The following MAGED1 variants were observed in gnomAD, a reference collection of about 807,000 sequenced individuals.
The protein encoded by MAGED1 is MAGE family member D1.
Under a neutral mutation model 54.1 loss-of-function variants are expected in MAGED1, and 3 were observed. The observed-to-expected ratio is 0.06, with a 90% CI of 0.03 to 0.14. The LOEUF is 0.14. Ranked by LOEUF, MAGED1 falls within the 10% of genes least tolerant of loss-of-function variation. The probability of loss-of-function intolerance (pLI) is 1.00; values close to 1 mark genes in which losing one functional copy is unlikely to be tolerated. For synonymous variants in MAGED1, 217 were observed against 227.3 expected, an observed-to-expected ratio of 0.95 and a Z score of 0.41; for missense variants, 485 against 623.4, an observed-to-expected ratio of 0.78 and a Z score of 2.36.
chrX:51,894,947 C>A, intron 2 of MAGED1, 106 bp from the exon 3 acceptor site: 1 of 916,192 alleles, frequency 1.1e-6, no homozygotes, highest in Non-Finnish European at 1.5e-6. Flanking sequence ...GCACCCACCG[C>A]CCGCCTGCAG....
chrX:51,848,945 T>G (rs782081947), intron 1 of MAGED1, among the ~76,000 whole-genome samples: 4 of 84,572 alleles, frequency 4.7e-5, no homozygotes, highest in Admixed American at 1.2e-4. Flanking sequence ...ATCTTTTCTG[T>G]TTTTTTTTTC....
At chrX:51,817,174 T>G (rs1372770943) in intron 1 of MAGED1, among the ~76,000 whole-genome samples, 4 of 111,873 alleles carry the variant, frequency 3.6e-5, no homozygotes, top group Non-Finnish European at 7.5e-5. Flanking sequence ...CAATGTGAGA[T>G]CCCAAGGACT....
intron 1 of MAGED1, among the ~76,000 whole-genome samples, chrX:51,805,950 ATTTTC>A (rs1219834254): frequency 2.5e-5 from 2 of 78,964 alleles, no homozygotes; most frequent in African/African-American, 9.8e-5. Context: ...AGCTCAAAGC[ATTTTC>A]TTTTCTTTTC....
intron 1 of MAGED1, among the ~76,000 whole-genome samples, chrX:51,819,469 A>G: frequency 9.1e-6 from 1 of 109,566 alleles, no homozygotes; most frequent in East Asian, 2.9e-4. Flanking sequence ...CGTCTAACCT[A>G]AGTTTGGGAT....
intron 1 of MAGED1, among the ~76,000 whole-genome samples, chrX:51,864,019 G>T (rs1927373166): frequency 9.0e-6 from 1 of 111,064 alleles, no homozygotes; most frequent in Non-Finnish European, 1.9e-5. Flanking sequence ...GTTTATGTTT[G>T]CTTTTGTTAC....
Position 51,900,274 on chromosome X carries a change from A to C in MAGED1, c.1937A>C (p.Lys646Thr). ...LRSYHETSKMKVLRFIAEVQK... is the reference protein window; with the variant it reads ...LRSYHETSKMTVLRFIAEVQK... The stretch of plus-strand genomic sequence containing the variant: ...TCCTACCATGAGACTAGCAAGATGA[A>C]AGTGCTGAGATTCATTGCAGAGGTA... Residue 646 changes from lysine (K) to threonine (T), a missense_variant, in exon 11 of 13, where the codon AAA becomes ACA. By Grantham distance (78) the Lys-to-Thr change is moderately conservative. Around this residue, in one of 2 missense-constraint regions of MAGED1, gnomAD observed 186 missense variants for 330.3 expected, o/e 0.56. Transcript: ENST00000326587. 1 of 1,203,657 alleles carries C rather than the reference A, an allele frequency of 8.3e-7. No individual in the cohort carries two copies. The highest frequency in any genetic ancestry group is 1.1e-6 in the Non-Finnish European group (1 of 889,303).
chrX:51,894,809 T>G (rs782261560), intron 2 of MAGED1: 1 of 1,136,166 alleles, frequency 8.8e-7, no homozygotes, highest in African/African-American at 1.9e-5. Context: ...GTGCCCACTT[T>G]CCGCATACCG....
chrX:51,900,417 G>T, intron 11 of MAGED1, 121 bp downstream of exon 11: 1 of 481,224 alleles, frequency 2.1e-6, no homozygotes, highest in Non-Finnish European at 3.5e-6. Context: ...ATTGCTGGTG[G>T]TATTTGTTGT....
chrX:51,842,066 T>C (rs1602229700), intron 1 of MAGED1, among the ~76,000 whole-genome samples: 1 of 112,371 alleles, frequency 8.9e-6, no homozygotes, highest in Admixed American at 9.4e-5. Flanking sequence ...GTTGTCTTAA[T>C]TGATGATTTG....
At chrX:51,858,808 G>A (rs1446981401) in intron 1 of MAGED1, among the ~76,000 whole-genome samples, 1 of 111,499 alleles carries the variant, frequency 9.0e-6, no homozygotes, top group Non-Finnish European at 1.9e-5. Context: ...TAGGGTATGT[G>A]GCATGATTTT....
intron 1 of MAGED1, among the ~76,000 whole-genome samples, chrX:51,836,816 C>T (rs781954154): frequency 9.0e-5 from 10 of 110,772 alleles, no homozygotes; most frequent in African/African-American, 3.3e-4. Flanking sequence ...TCTTGTGATC[C>T]GCCCGCCTCG....
intron 1 of MAGED1, among the ~76,000 whole-genome samples, chrX:51,850,586 A>C (rs899476408): frequency 1.8e-5 from 2 of 111,677 alleles, no homozygotes; most frequent in African/African-American, 6.5e-5. Flanking sequence ...ATTGAGGTAC[A>C]TGGGAAGTCA....
At position 51,897,340 on chromosome X, in the gene MAGED1, T is replaced by C. The variant is rs782099079; in HGVS notation, c.1486+69T>C. 30 of 1,018,332 alleles carry C rather than the reference T, an allele frequency of 2.9e-5. No individual in the cohort carries two copies. The South Asian group carries it at 4.9e-4, about 17-fold the overall frequency. 83.9% of individuals were successfully genotyped at this position (1,018,332 alleles called of 1,213,427 possible). The stretch of plus-strand genomic sequence containing the variant: ...ACTCCATGCTCTGTCAGCATTCTTC[T>C]GCTTGTAGCTCTGCCCTTCCCTTCA... On this transcript the variant is annotated intron_variant, in intron 5 of 12. Transcript: ENST00000326587.
At chrX:51,866,269 T>C (rs191589427) in intron 1 of MAGED1, among the ~76,000 whole-genome samples, 1 of 112,390 alleles carries the variant, frequency 8.9e-6, no homozygotes, top group Non-Finnish European at 1.9e-5. Flanking sequence ...TGTTTGTTTT[T>C]ATGAATGATC....
chrX:51,848,705 CG>C (rs1304966864), intron 1 of MAGED1, among the ~76,000 whole-genome samples: 1 of 111,714 alleles, frequency 9.0e-6, no homozygotes, highest in Non-Finnish European at 1.9e-5. Context: ...CAAAATATGC[CG>C]GTGGCTTGAG....
chrX:51,820,934 C>G (rs1557356486), intron 1 of MAGED1, among the ~76,000 whole-genome samples: 2 of 111,861 alleles, frequency 1.8e-5, no homozygotes. Context: ...CCTCTACTCT[C>G]CTCAGCCTCT....
At chrX:51,877,009 A>G (rs926547582) in intron 1 of MAGED1, among the ~76,000 whole-genome samples, 1 of 111,243 alleles carries the variant, frequency 9.0e-6, no homozygotes, top group Non-Finnish European at 1.9e-5. Context: ...GGCTCTAAAT[A>G]TACGTTTCTG....
intron 11 of MAGED1, among the ~76,000 whole-genome samples, chrX:51,901,211 T>C (rs1226883696): frequency 1.8e-5 from 2 of 112,123 alleles, no homozygotes; most frequent in Admixed American, 9.5e-5. Context: ...TTGTACCTTT[T>C]AACCGATATC....
At chrX:51,865,830 AG>A (rs1927442538) in intron 1 of MAGED1, among the ~76,000 whole-genome samples, 1 of 111,639 alleles carries the variant, frequency 9.0e-6, no homozygotes. Context: ...TCAAGAGGGC[AG>A]ATTTCCCCCT....
Sources: gnomAD v4.1 joint callset for allele counts (sites outside exome capture counted in the v4.1 genomes callset) on GRCh38, gnomAD v4.1.1 for gene constraint, gnomAD v4.1.1 regional missense constraint, MANE v1.5 for transcripts, NCBI Gene and HGNC (gene_info 2026-07-23, HGNC 2026-07-21) for gene names.